The following ALK variants were observed in gnomAD, a reference collection of about 807,000 sequenced individuals.
The protein encoded by ALK is ALK receptor tyrosine kinase.
Under a neutral mutation model 163.1 loss-of-function variants are expected in ALK, and 74 were observed. The observed-to-expected ratio is 0.45, with a 90% CI of 0.38 to 0.55. The LOEUF (loss-of-function observed/expected upper bound fraction) is 0.55. Among genes scored for constraint, ALK ranks in the 20% least tolerant of loss-of-function variants. The probability of loss-of-function intolerance (pLI) is 0.00; values close to 1 mark genes in which losing one functional copy is unlikely to be tolerated. For missense variants in ALK, 2,063 were observed against 2,105.3 expected, an observed-to-expected ratio of 0.98 and a Z score of 0.39; for synonymous variants, 960 against 843.2, an observed-to-expected ratio of 1.14 and a Z score of -2.40.
At position 29,223,368 on chromosome 2, in the gene ALK, C is replaced by T. The variant is rs1179566480; in HGVS notation, c.3333G>A (p.Val1111=). The change falls in exon 20 of 29, where the codon GTG becomes GTA. Residue 1111 remains valine (V), a synonymous_variant. Coordinates refer to ENST00000389048, the MANE Select transcript of ALK (RefSeq NM_004304.5). ...GAATGAGGGTGATGTTTTTCCGCGG[C>T]ACCTCCTTCAGGTCACTGATGGAGG... is the stretch of plus-strand genomic sequence containing the variant. ...KTSSISDLKE[V]PRKNITLIRG... The T allele has an allele frequency of 1.2e-6, 2 of 1,614,206 alleles. No individual in the cohort carries two copies. The highest frequency in any genetic ancestry group is 3.3e-5 in the Admixed American group (2 of 60,030).
intron 2 of ALK, among the ~76,000 whole-genome samples, chr2:29,705,429 T>C (rs1678880482): frequency 6.6e-6 from 1 of 151,460 alleles, no homozygotes; most frequent in Non-Finnish European, 1.5e-5. Context: ...TGCCTCAGAT[T>C]TACCACCAGG....
chr2:29,459,036 T>C (rs1420028026), intron 4 of ALK, among the ~76,000 whole-genome samples: 1 of 152,184 alleles, frequency 6.6e-6, no homozygotes, highest in Non-Finnish European at 1.5e-5. Context: ...GGGACTCACC[T>C]AGAGGTCCAC....
At chr2:29,744,309 C>T (rs1680147485) in intron 1 of ALK, among the ~76,000 whole-genome samples, 1 of 152,168 alleles carries the variant, frequency 6.6e-6, no homozygotes. Context: ...GGGAGAGACA[C>T]TATGGCAGGG....
rs971609699 is a variant in ALK, at chr2:29,308,944, G to A, written c.1647+9360C>T. Among the ~76,000 whole-genome samples the A allele has an allele frequency of 2.0e-5, 3 of 151,932 alleles. No individual in the cohort carries two copies. The East Asian group carries it at 5.8e-4, about 29-fold the overall frequency. On this transcript the variant is annotated intron_variant, in intron 8 of 28. Coordinates refer to ENST00000389048, the MANE Select transcript of ALK (RefSeq NM_004304.5). ...TTTTTAATCTTCTGGGTTCCCTAGA[G>A]AATTATCTTTCCAGGCTTATGGGAA...
At chr2:29,373,821 T>G (rs1331463851) in intron 5 of ALK, among the ~76,000 whole-genome samples, 3 of 152,164 alleles carry the variant, frequency 2.0e-5, no homozygotes, top group Non-Finnish European at 4.4e-5. Flanking sequence ...TGAAAAGACC[T>G]CTCTCCTGCC....
chr2:29,493,859 T>C (rs987697110), intron 4 of ALK, among the ~76,000 whole-genome samples: 1 of 152,232 alleles, frequency 6.6e-6, no homozygotes, highest in Non-Finnish European at 1.5e-5. Context: ...AGTGAGGCCC[T>C]CTTTGCAAGG....
chr2:29,291,875 G>A (rs1573199154), intron 9 of ALK, among the ~76,000 whole-genome samples: 1 of 152,194 alleles, frequency 6.6e-6, no homozygotes, highest in East Asian at 1.9e-4. Flanking sequence ...ATCACAGAAA[G>A]ATGCTACACA....
At chr2:29,343,890 C>G (rs941653435) in intron 5 of ALK, among the ~76,000 whole-genome samples, 1 of 152,096 alleles carries the variant, frequency 6.6e-6, no homozygotes, top group African/African-American at 2.4e-5. Context: ...TCTCAAACAC[C>G]AGGGGGATTC....
At chr2:29,521,136 T>G (rs1189880614) in intron 4 of ALK, among the ~76,000 whole-genome samples, 1 of 152,132 alleles carries the variant, frequency 6.6e-6, no homozygotes, top group Non-Finnish European at 1.5e-5. Context: ...GGCCCACAGG[T>G]CTTTCCTTAG....
At chr2:29,419,721 G>T (rs1669971572) in intron 4 of ALK, among the ~76,000 whole-genome samples, 1 of 151,552 alleles carries the variant, frequency 6.6e-6, no homozygotes, top group Non-Finnish European at 1.5e-5. Flanking sequence ...AAACAAAATA[G>T]TCCATAGGAA....
At chr2:29,868,781 G>A (rs1382420192) in intron 1 of ALK, among the ~76,000 whole-genome samples, 1 of 152,192 alleles carries the variant, frequency 6.6e-6, no homozygotes, top group Non-Finnish European at 1.5e-5. Context: ...TCAGGAGGTG[G>A]GGTTGATGTT....
At chr2:29,357,228 T>C (rs954816016) in intron 5 of ALK, among the ~76,000 whole-genome samples, 8 of 152,240 alleles carry the variant, frequency 5.3e-5, no homozygotes, top group African/African-American at 1.9e-4. Context: ...TCACTAGGAC[T>C]AAATATGAGT....
At chr2:29,210,589 C>T (rs1669438905) in intron 24 of ALK, among the ~76,000 whole-genome samples, 1 of 152,148 alleles carries the variant, frequency 6.6e-6, no homozygotes, top group Non-Finnish European at 1.5e-5. Flanking sequence ...TGCAGCACCA[C>T]ACCTGGCTAA....
intron 4 of ALK, among the ~76,000 whole-genome samples, chr2:29,453,735 G>T (rs12620597): frequency 1.3e-5 from 2 of 151,834 alleles, no homozygotes; most frequent in East Asian, 1.9e-4. Context: ...AAGAAAAAGA[G>T]GAAGGGAAGA....
At chr2:29,590,468 G>A (rs1406323755) in intron 3 of ALK, among the ~76,000 whole-genome samples, 1 of 152,010 alleles carries the variant, frequency 6.6e-6, no homozygotes. Context: ...TCCTAGGCAC[G>A]TCTGTGTCCT....
chr2:29,401,060 A>G (rs561130761), intron 4 of ALK, among the ~76,000 whole-genome samples: 6 of 151,958 alleles, frequency 3.9e-5, no homozygotes, highest in African/African-American at 1.4e-4. Context: ...TTATGCATTT[A>G]CCCCTTACAA....
intron 12 of ALK, among the ~76,000 whole-genome samples, 200 bp from the exon 13 acceptor site, chr2:29,240,030 C>T (rs746190102): frequency 2.0e-5 from 3 of 151,908 alleles, no homozygotes; most frequent in Non-Finnish European, 4.4e-5. Context: ...CAGGGAGTTG[C>T]CTCAGTCACA....
chr2:29,813,469 T>G (rs1200746770), intron 1 of ALK, among the ~76,000 whole-genome samples: 1 of 152,070 alleles, frequency 6.6e-6, no homozygotes, highest in South Asian at 2.1e-4. Flanking sequence ...GAAATAACTG[T>G]GTTGAGGGCT....
intron 1 of ALK, among the ~76,000 whole-genome samples, chr2:29,891,393 G>T (rs1047987302): frequency 6.6e-6 from 1 of 152,198 alleles, no homozygotes; most frequent in African/African-American, 2.4e-5. Context: ...TCTACTTACA[G>T]TAATGTGGGT....
Sources: gnomAD v4.1 joint callset for allele counts (sites outside exome capture counted in the v4.1 genomes callset) on GRCh38, gnomAD v4.1.1 for gene constraint, MANE v1.5 for transcripts, NCBI Gene and HGNC (gene_info 2026-07-23, HGNC 2026-07-21) for gene names.